Variants in METTL24 observed in about 807,000 individuals in gnomAD.
METTL24 encodes the protein probable methyltransferase-like protein 24.
A neutral mutation model predicts 32.7 loss-of-function variants in METTL24; 29 were observed. That is an observed-to-expected ratio of 0.89 (90% CI 0.66 to 1.21). METTL24 has a LOEUF of 1.21. Among genes scored for constraint, METTL24 ranks in the 50% most tolerant of loss-of-function variants. METTL24 has a pLI of 0.00. For synonymous variants in METTL24, 163 were observed against 179.5 expected, an observed-to-expected ratio of 0.91 and a Z score of 0.73; for missense variants, 439 against 468.1, an observed-to-expected ratio of 0.94 and a Z score of 0.57.
chr6:110,336,753 A>C (rs12207334), intron 1 of METTL24, among the ~76,000 whole-genome samples: 89 of 128,584 alleles, frequency 6.9e-4, no homozygotes, highest in African/African-American at 2.0e-3. Context: ...AAAAAAAAAA[A>C]AAACAAAAAG....
intron 1 of METTL24, among the ~76,000 whole-genome samples, chr6:110,344,579 C>A (rs528889778): frequency 1.3e-5 from 2 of 152,106 alleles, no homozygotes; most frequent in African/African-American, 4.8e-5. Context: ...TTTAGTAATA[C>A]AGATCTGTTA....
Position 110,244,215 on chromosome 6 carries a change from G to T in METTL24, c.*1731C>A, listed in dbSNP as rs1778104355. ...AGAGATAATGTATTTTTTTAAAAAA[G>T]ATTTGACAGCATAGGCAAGTCTGTG... is the stretch of plus-strand genomic sequence containing the variant. On this transcript the variant is annotated 3_prime_UTR_variant, in exon 5 of 5. Coordinates refer to ENST00000338882, the MANE Select transcript of METTL24 (RefSeq NM_001123364.3). Among the ~76,000 whole-genome samples the T allele has an allele frequency of 6.6e-6, 1 of 152,102 alleles. No homozygotes were observed. The highest frequency in any genetic ancestry group is 1.5e-5 in the Non-Finnish European group (1 of 68,014).
rs930561402 is a variant in METTL24 at position 110,245,316 on chromosome 6, G to A, written c.*630C>T. Reference sequence around the variant, plus strand: ...GGTCAAGACCTTCAGACTTGGTCTCGAACTGGAACTTACACCTTCGTGTTG... The same window carrying A: ...GGTCAAGACCTTCAGACTTGGTCTCAAACTGGAACTTACACCTTCGTGTTG... On this transcript the variant is annotated 3_prime_UTR_variant, in exon 5 of 5. Transcript: ENST00000338882. Among the ~76,000 whole-genome samples the A allele has an allele frequency of 3.3e-5, 5 of 152,110 alleles. No individual in the cohort carries two copies. Among genetic ancestry groups the A allele is most frequent in the African/African-American group, 1.2e-4 (5 of 41,432 alleles).
chr6:110,249,188 G>A (rs934431271), intron 4 of METTL24, among the ~76,000 whole-genome samples: 11 of 151,866 alleles, frequency 7.2e-5, no homozygotes, highest in African/African-American at 2.2e-4. Context: ...TATTCCAAAC[G>A]TCTTAAAAAT....
intron 3 of METTL24, among the ~76,000 whole-genome samples, chr6:110,307,901 T>C (rs1370584745): frequency 6.6e-6 from 1 of 152,246 alleles, no homozygotes; most frequent in African/African-American, 2.4e-5. Context: ...GACAATATTG[T>C]TCTGCATATA....
chr6:110,293,967 C>T (rs1422399351), intron 4 of METTL24, among the ~76,000 whole-genome samples: 1 of 151,398 alleles, frequency 6.6e-6, no homozygotes, highest in Admixed American at 6.6e-5. Flanking sequence ...CCACTGTTTC[C>T]ACATTAATTA....
At chr6:110,302,442 TATATACAC>T (rs1158332025) in intron 3 of METTL24, among the ~76,000 whole-genome samples, 4 of 127,226 alleles carry the variant, frequency 3.1e-5, no homozygotes, top group Admixed American at 3.0e-4. Flanking sequence ...CATATGTGTA[TATATACAC>T]ATATACACAC....
chr6:110,262,832 C>G (rs1347300442), intron 4 of METTL24, among the ~76,000 whole-genome samples: 1 of 152,090 alleles, frequency 6.6e-6, no homozygotes, highest in Non-Finnish European at 1.5e-5. Context: ...AATCAATAAA[C>G]GTAATCCAGC....
At chr6:110,350,213 T>C (rs1772566620) in intron 1 of METTL24, among the ~76,000 whole-genome samples, 1 of 152,206 alleles carries the variant, frequency 6.6e-6, no homozygotes, top group Admixed American at 6.5e-5. Flanking sequence ...AAAAGAATAG[T>C]AAATACTCAC....
At chr6:110,315,576 T>C (rs1771805169) in intron 2 of METTL24, 95 bp from the exon 3 acceptor site, 6 of 1,357,382 alleles carry the variant, frequency 4.4e-6, no homozygotes, top group Middle Eastern at 2.1e-4. Flanking sequence ...AAAACCGTAA[T>C]AGGAAAGTTA....
At chr6:110,342,378 G>A (rs995468375) in intron 1 of METTL24, among the ~76,000 whole-genome samples, 11 of 152,188 alleles carry the variant, frequency 7.2e-5, no homozygotes, top group African/African-American at 2.7e-4. Context: ...AGAGAGGCCA[G>A]CATGTGGGCT....
intron 1 of METTL24, among the ~76,000 whole-genome samples, chr6:110,342,437 C>T (rs1450570917): frequency 1.3e-5 from 2 of 152,222 alleles, no homozygotes; most frequent in Non-Finnish European, 2.9e-5. Flanking sequence ...TACCATCAGG[C>T]TGAGGTCCCA....
intron 3 of METTL24, among the ~76,000 whole-genome samples, chr6:110,302,629 A>G (rs1172834369): frequency 7.4e-6 from 1 of 135,362 alleles, no homozygotes; most frequent in South Asian, 2.2e-4. Flanking sequence ...ATATATACAC[A>G]TATACACACA....
intron 4 of METTL24, among the ~76,000 whole-genome samples, chr6:110,265,977 T>C (rs575495184): frequency 1.4e-4 from 21 of 152,046 alleles, no homozygotes; most frequent in African/African-American, 4.6e-4. Context: ...CACAGCTCAC[T>C]GCAATCTCAA....
intron 4 of METTL24, among the ~76,000 whole-genome samples, chr6:110,283,816 A>G (rs780059914): frequency 3.2e-4 from 48 of 152,282 alleles, no homozygotes; most frequent in Non-Finnish European, 6.2e-4. Context: ...CCACAATTCC[A>G]CTTCTGGGAA....
At chr6:110,265,179 AAGAAAG>A (rs1770832414) in intron 4 of METTL24, among the ~76,000 whole-genome samples, 1 of 137,674 alleles carries the variant, frequency 7.3e-6, no homozygotes, top group Non-Finnish European at 1.6e-5. Flanking sequence ...GAAAGAAAGA[AAGAAAG>A]AAAGAAAGAA....
At chr6:110,274,226 G>A (rs532579607) in intron 4 of METTL24, among the ~76,000 whole-genome samples, 1 of 152,188 alleles carries the variant, frequency 6.6e-6, no homozygotes, top group African/African-American at 2.4e-5. Context: ...CCAAATAGCT[G>A]GGATTACAGG....
At chr6:110,324,978 G>T (rs1420510662) in intron 1 of METTL24, among the ~76,000 whole-genome samples, 1 of 152,190 alleles carries the variant, frequency 6.6e-6, no homozygotes, top group Non-Finnish European at 1.5e-5. Context: ...CAGGAGAGTT[G>T]TTCTCTTTAG....
intron 3 of METTL24, among the ~76,000 whole-genome samples, chr6:110,308,100 G>A (rs1020136564): frequency 6.6e-5 from 10 of 152,160 alleles, no homozygotes; most frequent in African/African-American, 2.4e-4. Flanking sequence ...ATCCCTGCAG[G>A]CAGTTGTGTG....
Sources: allele counts gnomAD v4.1 joint callset (sites outside exome capture counted in the v4.1 genomes callset), GRCh38; gene constraint gnomAD v4.1.1; transcripts MANE v1.5; gene names NCBI Gene and HGNC (gene_info 2026-07-23, HGNC 2026-07-21).